Variants in HNF4G observed in about 807,000 individuals in gnomAD.
The protein encoded by HNF4G is hepatocyte nuclear factor 4 gamma.
Under a neutral mutation model 50.9 loss-of-function variants are expected in HNF4G, and 21 were observed. The observed-to-expected ratio is 0.41, with a 90% CI of 0.29 to 0.59. HNF4G has a LOEUF of 0.59. Among genes scored for constraint, HNF4G ranks in the 20% least tolerant of loss-of-function variants. HNF4G has a pLI of 0.26. For missense variants in HNF4G, 527 were observed against 559.4 expected, an observed-to-expected ratio of 0.94 and a Z score of 0.58; for synonymous variants, 198 against 185.6, an observed-to-expected ratio of 1.07 and a Z score of -0.54.
rs375301409 is a variant in HNF4G, at chr8:75,422,783, G to A, written c.-144+14621G>A. Among the ~76,000 whole-genome samples the A allele has an allele frequency of 2.4e-3, 358 of 152,130 alleles. 3 individuals are homozygous for A. Among genetic ancestry groups the A allele is most frequent in the African/African-American group, 8.2e-3 (339 of 41,518 alleles). Reference sequence around the variant, plus strand: ...TGAGTAGCTGGGAGTACAGGCGCCCGCCACCATGCCCCGCTAATTTTTTCT... The same window carrying A: ...TGAGTAGCTGGGAGTACAGGCGCCCACCACCATGCCCCGCTAATTTTTTCT... On this transcript the variant is annotated intron_variant, in intron 1 of 10. Coordinates refer to the HNF4G transcript ENST00000354370.
chr8:75,470,660 A>C (rs1812092843), intron 1 of HNF4G, among the ~76,000 whole-genome samples: 1 of 152,196 alleles, frequency 6.6e-6, no homozygotes, highest in Admixed American at 6.5e-5. Flanking sequence ...CAGACTACAA[A>C]ATAGGTAGTA....
chr8:75,460,943 T>C (rs1303059528), intron 1 of HNF4G, among the ~76,000 whole-genome samples: 4 of 152,250 alleles, frequency 2.6e-5, no homozygotes, highest in Non-Finnish European at 5.9e-5. Context: ...TAGTACTTAA[T>C]GATAATATCG....
intron 2 of HNF4G, among the ~76,000 whole-genome samples, chr8:75,497,452 G>A (rs1468757278): frequency 2.6e-5 from 4 of 152,250 alleles, no homozygotes; most frequent in Admixed American, 1.3e-4. Context: ...TTGGGAGGCC[G>A]AGGCGGGCAG....
chr8:75,443,634 T>C (rs1811344181), intron 1 of HNF4G, among the ~76,000 whole-genome samples: 1 of 152,190 alleles, frequency 6.6e-6, no homozygotes, highest in African/African-American at 2.4e-5. Flanking sequence ...TGGTGGGGAT[T>C]ACAGGCATGT....
intron 2 of HNF4G, among the ~76,000 whole-genome samples, chr8:75,500,870 G>A (rs1025341526): frequency 5.3e-5 from 8 of 151,996 alleles, no homozygotes; most frequent in Non-Finnish European, 1.0e-4. Flanking sequence ...GAGGGAGGTC[G>A]GGCATGACTG....
chr8:75,525,276 C>A (rs1170122723), intron 2 of HNF4G, among the ~76,000 whole-genome samples: 1 of 152,184 alleles, frequency 6.6e-6, no homozygotes, highest in Non-Finnish European at 1.5e-5. Flanking sequence ...TCAAGCAATT[C>A]TCCTGCCTCA....
chr8:75,465,147 T>C (rs1811939819), intron 1 of HNF4G, among the ~76,000 whole-genome samples: 1 of 152,312 alleles, frequency 6.6e-6, no homozygotes, highest in Middle Eastern at 3.4e-3. Flanking sequence ...AACTTACAGA[T>C]AGCCTCATAT....
intron 1 of HNF4G, among the ~76,000 whole-genome samples, chr8:75,453,756 G>A (rs976787538): frequency 1.3e-5 from 2 of 152,212 alleles, no homozygotes; most frequent in Admixed American, 1.3e-4. Context: ...TTCTTCGTGA[G>A]CAAGTTATTT....
chr8:75,473,722 T>G (rs562942175), intron 1 of HNF4G, among the ~76,000 whole-genome samples: 1 of 152,246 alleles, frequency 6.6e-6, no homozygotes, highest in South Asian at 2.1e-4. Flanking sequence ...TCAGGAGTGA[T>G]TCACTCGGAT....
intron 1 of HNF4G, among the ~76,000 whole-genome samples, chr8:75,469,249 C>A (rs1034790669): frequency 6.6e-6 from 1 of 152,080 alleles, no homozygotes; most frequent in Non-Finnish European, 1.5e-5. Context: ...TTAGTCAAAG[C>A]GGTTTCAGGG....
chr8:75,468,147 G>T (rs1265737551), intron 1 of HNF4G, among the ~76,000 whole-genome samples: 1 of 152,078 alleles, frequency 6.6e-6, no homozygotes, highest in Non-Finnish European at 1.5e-5. Context: ...CCAATCGCTT[G>T]CATTCTTTCT....
At chr8:75,514,580 T>A (rs1229796065) in intron 2 of HNF4G, among the ~76,000 whole-genome samples, 1 of 152,002 alleles carries the variant, frequency 6.6e-6, no homozygotes, top group Non-Finnish European at 1.5e-5. Flanking sequence ...CTCGAACTCC[T>A]GACCTTGGGA....
At chr8:75,432,784 A>G (rs1483959443) in intron 1 of HNF4G, among the ~76,000 whole-genome samples, 4 of 152,174 alleles carry the variant, frequency 2.6e-5, no homozygotes, top group Non-Finnish European at 5.9e-5. Flanking sequence ...TCCAGAAATG[A>G]CAGTGTGTGA....
intron 1 of HNF4G, among the ~76,000 whole-genome samples, chr8:75,453,118 G>T (rs1472047332): frequency 6.6e-6 from 1 of 152,230 alleles, no homozygotes; most frequent in Non-Finnish European, 1.5e-5. Context: ...CAGACTCCTT[G>T]TTTCAGGACA....
intron 2 of HNF4G, among the ~76,000 whole-genome samples, chr8:75,546,903 G>C (rs1439242514): frequency 6.6e-6 from 1 of 152,086 alleles, no homozygotes; most frequent in Non-Finnish European, 1.5e-5. Flanking sequence ...GCATCGCTGG[G>C]TTATACTATA....
intron 1 of HNF4G, among the ~76,000 whole-genome samples, chr8:75,452,292 C>T (rs184435142): frequency 1.1e-4 from 17 of 151,962 alleles, no homozygotes; most frequent in South Asian, 4.1e-4. Context: ...TTATAATAAA[C>T]GATTGTTACA....
intron 1 of HNF4G, among the ~76,000 whole-genome samples, chr8:75,423,208 G>T (rs1488596489): frequency 1.3e-5 from 2 of 151,542 alleles, no homozygotes; most frequent in Non-Finnish European, 2.9e-5. Context: ...CTCCCTCCAT[G>T]CCTTCTCTAA....
chr8:75,433,450 A>G (rs1811062760), intron 1 of HNF4G, among the ~76,000 whole-genome samples: 1 of 151,800 alleles, frequency 6.6e-6, no homozygotes, highest in African/African-American at 2.4e-5. Context: ...TTTAAGATCA[A>G]TTTTAATTGC....
intron 1 of HNF4G, among the ~76,000 whole-genome samples, chr8:75,429,050 A>G (rs1405165769): frequency 1.3e-5 from 2 of 152,208 alleles, no homozygotes; most frequent in East Asian, 1.9e-4. Context: ...AGGGCAAAAT[A>G]TAAGGGACTT....
Sources: allele counts gnomAD v4.1 joint callset (sites outside exome capture counted in the v4.1 genomes callset), GRCh38; gene constraint gnomAD v4.1.1; transcripts MANE v1.5; gene names NCBI Gene and HGNC (gene_info 2026-07-23, HGNC 2026-07-21).